IDNK: variants seen among roughly 807,000 people sequenced by gnomAD.
The protein encoded by IDNK is gluconokinase.
In IDNK, 9 loss-of-function variants were observed where a neutral mutation model predicts 13.0. The ratio of observed to expected loss-of-function variants is 0.69; its 90% CI spans 0.42 to 1.21. The LOEUF (loss-of-function observed/expected upper bound fraction) is 1.21. Ranked by LOEUF, IDNK falls within the 50% of genes most tolerant of loss-of-function variation. The pLI is 0.00. For missense variants in IDNK, 210 were observed against 237.8 expected (o/e 0.88, Z 0.77); for synonymous variants, 92 against 94.9 (o/e 0.97, Z 0.18).
chr9:83,633,041 A>G (rs1454470755), intron 3 of IDNK, among the ~76,000 whole-genome samples: 2 of 152,204 alleles, frequency 1.3e-5, no homozygotes, highest in Non-Finnish European at 2.9e-5. Context: ...CCAAGGCCTG[A>G]TCAAGATTGG....
intron 3 of IDNK, among the ~76,000 whole-genome samples, chr9:83,632,381 G>A (rs1321322035): frequency 6.6e-6 from 1 of 151,912 alleles, no homozygotes; most frequent in African/African-American, 2.4e-5. Flanking sequence ...AGCATTCATT[G>A]TGCTCACCTC....
At chr9:83,630,226 G>T (rs1830974014) in intron 3 of IDNK, among the ~76,000 whole-genome samples, 1 of 152,172 alleles carries the variant, frequency 6.6e-6, no homozygotes, top group Non-Finnish European at 1.5e-5. Flanking sequence ...GGTACAGCTT[G>T]AGTTTGCAGT....
At chr9:83,623,512 G>C (rs1830762297) in intron 1 of IDNK, 1 of 394,842 alleles carries the variant, frequency 2.5e-6, no homozygotes. Context: ...AGGCGGCTGC[G>C]GGGCCGCGCA....
At chr9:83,628,590 T>C (rs988870348) in intron 2 of IDNK, among the ~76,000 whole-genome samples, 3 of 151,142 alleles carry the variant, frequency 2.0e-5, no homozygotes, top group Admixed American at 1.3e-4. Context: ...AGGTGGAGGT[T>C]GCAGTGAGAC....
chr9:83,639,421 A>G (rs1489428443), intron 3 of IDNK, among the ~76,000 whole-genome samples: 1 of 152,240 alleles, frequency 6.6e-6, no homozygotes, highest in Non-Finnish European at 1.5e-5. Flanking sequence ...AATAACAGAA[A>G]TGAATGCTAG....
At chr9:83,624,952 T>A (rs188080057) in intron 1 of IDNK, among the ~76,000 whole-genome samples, 275 of 152,248 alleles carry the variant, frequency 1.8e-3, no homozygotes, top group African/African-American at 5.9e-3. Context: ...TGACCTCAGG[T>A]GATCCATGCG....
intron 4 of IDNK, among the ~76,000 whole-genome samples, chr9:83,642,146 G>A (rs1279888882): frequency 1.4e-5 from 2 of 145,254 alleles, no homozygotes; most frequent in African/African-American, 5.2e-5. Context: ...ATGCCCCTGA[G>A]CGAACAGGGT....
rs755653331 is a variant in IDNK, at chr9:83,623,196, G to C, written c.25G>C (p.Val9Leu). The C allele has an allele frequency of 3.3e-4, 467 of 1,413,874 alleles. No homozygotes were observed. The highest frequency in any genetic ancestry group is 3.8e-4 in the Non-Finnish European group (416 of 1,089,848). 87.6% of individuals were successfully genotyped at this position (1,413,874 alleles called of 1,614,324 possible). The change falls in exon 1 of 5, where the codon GTG becomes CTG. Residue 9 changes from valine (V) to leucine (L), a missense_variant. Val to Leu is a conservative substitution (Grantham distance 32). Transcript: ENST00000376419. MAAPGALL[V>L]MGVSGSGKST... The stretch of plus-strand genomic sequence containing the variant: ...TATGGCGGCGCCGGGCGCGCTGCTG[G>C]TGATGGGCGTGAGCGGCTCGGGGAA...
At chr9:83,623,618 C>T in intron 1 of IDNK, 1 of 242,736 alleles carries the variant, frequency 4.1e-6, no homozygotes, top group Non-Finnish European at 8.2e-6. Context: ...GGACGCAAAC[C>T]ACGGCCCAGG....
At chr9:83,636,474 A>C (rs764326779) in intron 3 of IDNK, among the ~76,000 whole-genome samples, 25 of 152,186 alleles carry the variant, frequency 1.6e-4, no homozygotes, top group Non-Finnish European at 4.4e-5. Flanking sequence ...TGGTAGTTTC[A>C]AGTTGCATAA....
At chr9:83,630,242 A>C (rs1476299990) in intron 3 of IDNK, among the ~76,000 whole-genome samples, 1 of 152,212 alleles carries the variant, frequency 6.6e-6, no homozygotes, top group East Asian at 1.9e-4. Context: ...GCAGTGCTTC[A>C]GGCCTTGAAT....
chr9:83,631,803 T>G (rs571167609), intron 3 of IDNK, among the ~76,000 whole-genome samples: 1 of 152,230 alleles, frequency 6.6e-6, no homozygotes, highest in South Asian at 2.1e-4. Flanking sequence ...ACCCAAGCTG[T>G]GATAAATTAT....
chr9:83,638,375 G>A (rs2131633263), intron 3 of IDNK, among the ~76,000 whole-genome samples: 1 of 152,276 alleles, frequency 6.6e-6, no homozygotes, highest in African/African-American at 2.4e-5. Context: ...AAGAAAAGCA[G>A]ATTGGAGGAT....
chr9:83,633,460 C>T (rs894725303), intron 3 of IDNK, among the ~76,000 whole-genome samples: 13 of 152,244 alleles, frequency 8.5e-5, no homozygotes, highest in African/African-American at 3.1e-4. Context: ...TACTCATTTG[C>T]CTCTTCTCTT....
intron 1 of IDNK, among the ~76,000 whole-genome samples, chr9:83,625,752 G>T (rs972799136): frequency 6.6e-6 from 1 of 152,166 alleles, no homozygotes; most frequent in Non-Finnish European, 1.5e-5. Context: ...AAAACAGAAA[G>T]ACTCCATTTA....
At chr9:83,623,277 G>C (rs1265921136) in intron 1 of IDNK, 56 bp downstream of exon 1, 1 of 1,344,094 alleles carries the variant, frequency 7.4e-7, no homozygotes, top group Admixed American at 4.0e-5. Context: ...GCGCGGCGGA[G>C]GCCGGACGCG....
intron 3 of IDNK, 125 bp from the exon 4 acceptor site, chr9:83,641,423 T>TCCTCACACCACTG: frequency 9.8e-7 from 1 of 1,025,002 alleles, no homozygotes; most frequent in Non-Finnish European, 1.5e-6. Context: ...CATGGCCCAC[T>TCCTCACACCACTG]CCTCACACCA....
At chr9:83,623,884 A>C (rs1670852226) in intron 1 of IDNK, among the ~76,000 whole-genome samples, 1 of 152,184 alleles carries the variant, frequency 6.6e-6, no homozygotes. Flanking sequence ...GTTTAAACCA[A>C]AGTCTAACTG....
chr9:83,626,848 G>A lies in IDNK; in HGVS notation c.51-1333G>A, dbSNP rs968757922. On this transcript the variant is annotated intron_variant, in intron 1 of 4. Coordinates refer to ENST00000376419, the MANE Select transcript of IDNK (RefSeq NM_001001551.4). Reference sequence around the variant, plus strand: ...AGCCTTCAATAGAATGAACTAATGGGAAAGGTTTCACTGCTCTCGCAACCT... The same window carrying A: ...AGCCTTCAATAGAATGAACTAATGGAAAAGGTTTCACTGCTCTCGCAACCT... The A allele has an allele frequency of 6.4e-6, 7 of 1,092,770 alleles. No homozygotes were observed. The African/African-American group carries it at 1.2e-4, about 19-fold the overall frequency. The allele number at this position is 1,092,770 out of a possible 1,614,324, so 67.7% of individuals were successfully genotyped here.
Sources: allele counts gnomAD v4.1 joint callset (sites outside exome capture counted in the v4.1 genomes callset), GRCh38; gene constraint gnomAD v4.1.1; transcripts MANE v1.5; gene names NCBI Gene and HGNC (gene_info 2026-07-23, HGNC 2026-07-21).